Variants in ARFGEF1 observed in about 807,000 individuals in gnomAD.
ARFGEF1 encodes the protein brefeldin A-inhibited guanine nucleotide-exchange protein 1.
Under a neutral mutation model 231.0 loss-of-function variants are expected in ARFGEF1, and 42 were observed. That is an observed-to-expected ratio of 0.18 (90% CI 0.14 to 0.24). ARFGEF1 has a LOEUF of 0.24. Among genes scored for constraint, ARFGEF1 ranks in the 10% least tolerant of loss-of-function variants. ARFGEF1 has a pLI of 1.00. For missense variants in ARFGEF1, 1,345 were observed against 2,192.0 expected (o/e 0.61, Z 7.72); for synonymous variants, 710 against 732.3 (o/e 0.97, Z 0.49).
At position 67,320,109 on chromosome 8, in the gene ARFGEF1, G is replaced by C. The variant is rs180932900; in HGVS notation, c.125-17643C>G. Among the ~76,000 whole-genome samples the C allele has an allele frequency of 8.5e-3, 1,284 of 151,354 alleles. 7 individuals are homozygous for C. Among genetic ancestry groups the C allele is most frequent in the Admixed American group, 0.014 (213 of 15,118 alleles). ...GGTGTGGCCGGTGCCTATAATCCCA[G>C]CTACTTGGGAGGCTGAGGCAAGAGA... On this transcript the variant is annotated intron_variant, in intron 1 of 38. Transcript: ENST00000262215.
At chr8:67,258,031 A>T in intron 16 of ARFGEF1, 54 bp downstream of exon 16, 1 of 1,483,300 alleles carries the variant, frequency 6.7e-7, no homozygotes, top group Non-Finnish European at 9.4e-7. Context: ...GATGCTACCT[A>T]GCACAGTGGT....
At chr8:67,308,672 C>T (rs983304484) in intron 1 of ARFGEF1, among the ~76,000 whole-genome samples, 1 of 152,106 alleles carries the variant, frequency 6.6e-6, no homozygotes, top group Admixed American at 6.5e-5. Flanking sequence ...GAAACAAGGA[C>T]CTATTTTTAT....
chr8:67,299,435 C>T, intron 3 of ARFGEF1, 80 bp from the exon 4 acceptor site: 15 of 1,312,334 alleles, frequency 1.1e-5, no homozygotes, highest in East Asian at 2.6e-5. Context: ...ATTAAAATTA[C>T]AGTATACAAT....
At chr8:67,339,298 CCTT>C (rs1563924150) in intron 1 of ARFGEF1, among the ~76,000 whole-genome samples, 1 of 152,120 alleles carries the variant, frequency 6.6e-6, no homozygotes, top group Admixed American at 6.5e-5. Flanking sequence ...CCCTTTAAAA[CCTT>C]CTTCTGGTCA....
At chr8:67,294,133 T>C (rs1806128422) in intron 5 of ARFGEF1, among the ~76,000 whole-genome samples, 1 of 152,086 alleles carries the variant, frequency 6.6e-6, no homozygotes, top group African/African-American at 2.4e-5. Flanking sequence ...AAGTATTAGG[T>C]ATTATAAGTA....
intron 14 of ARFGEF1, among the ~76,000 whole-genome samples, chr8:67,264,733 T>TA (rs1188639710): frequency 1.3e-5 from 2 of 152,182 alleles, no homozygotes; most frequent in African/African-American, 4.8e-5. Flanking sequence ...AAAGCAAGTC[T>TA]AGCTGCTGAG....
chr8:67,322,846 T>A (rs1807659087), intron 1 of ARFGEF1, among the ~76,000 whole-genome samples: 1 of 152,250 alleles, frequency 6.6e-6, no homozygotes, highest in African/African-American at 2.4e-5. Flanking sequence ...TTATTTTATG[T>A]ATTTATCTCC....
chr8:67,229,244 G>C (rs1206871029), intron 23 of ARFGEF1, among the ~76,000 whole-genome samples: 1 of 152,076 alleles, frequency 6.6e-6, no homozygotes, highest in Non-Finnish European at 1.5e-5. Context: ...ACTAGTAAGT[G>C]CTAGAGCCAA....
At chr8:67,276,666 C>T (rs1805326330) in intron 8 of ARFGEF1, among the ~76,000 whole-genome samples, 1 of 152,126 alleles carries the variant, frequency 6.6e-6, no homozygotes, top group African/African-American at 2.4e-5. Context: ...GTACTGATTT[C>T]TTTGCAGCCC....
At chr8:67,304,228 A>T (rs1474782570) in intron 1 of ARFGEF1, among the ~76,000 whole-genome samples, 1 of 152,222 alleles carries the variant, frequency 6.6e-6, no homozygotes, top group Non-Finnish European at 1.5e-5. Flanking sequence ...CTTGCTATAC[A>T]ATTTCTACAA....
chr8:67,222,227 ATATGTATGTATGTATGTATGTATG>A (rs35826179), intron 29 of ARFGEF1, among the ~76,000 whole-genome samples: 1 of 115,156 alleles, frequency 8.7e-6, no homozygotes, highest in Non-Finnish European at 1.7e-5. Context: ...ATATATATGT[ATATGTATGTATGTATGTATGTATG>A]TATGTATGTA....
At chr8:67,329,460 C>T (rs1400449787) in intron 1 of ARFGEF1, among the ~76,000 whole-genome samples, 4 of 151,320 alleles carry the variant, frequency 2.6e-5, no homozygotes, top group African/African-American at 4.9e-5. Context: ...ACCCAGGAGG[C>T]GGAGCTTGCA....
intron 19 of ARFGEF1, among the ~76,000 whole-genome samples, chr8:67,245,070 A>C (rs1445628756): frequency 2.0e-5 from 3 of 150,744 alleles, no homozygotes; most frequent in African/African-American, 7.4e-5. Flanking sequence ...CAGTGGTATG[A>C]CATATTTAAA....
chr8:67,222,190 T>TATATATATACACAC lies in ARFGEF1; in HGVS notation c.4209-2631_4209-2630insGTGTGTATATATAT, dbSNP rs1554636816. Among the ~76,000 whole-genome samples the TATATATATACACAC allele has an allele frequency of 2.3e-3, 313 of 134,880 alleles. 4 individuals are homozygous for TATATATATACACAC. The highest frequency in any genetic ancestry group is 4.8e-3 in the South Asian group (21 of 4,362). The allele number at this position is 134,880 out of a possible 152,430, so 88.5% of individuals were successfully genotyped here. ...ATATATATATATATACACATATATATATATATATATATATACACACACATA... is the reference window on the plus strand; with the variant it reads ...ATATATATATATATACACATATATATATATATATACACACATATATATATATATACACACACATA... On this transcript the variant is annotated intron_variant, in intron 29 of 38. Coordinates refer to ENST00000262215, the MANE Select transcript of ARFGEF1 (RefSeq NM_006421.5).
At chr8:67,209,881 G>A (rs1046409045) in intron 34 of ARFGEF1, among the ~76,000 whole-genome samples, 5 of 151,704 alleles carry the variant, frequency 3.3e-5, no homozygotes, top group Admixed American at 6.6e-5. Flanking sequence ...TGCCGGGCAC[G>A]GTGGCTCATG....
Position 67,219,446 on chromosome 8 carries a change from T to G in ARFGEF1, c.4323A>C (p.Pro1441=), listed in dbSNP as rs754169368. ...ATCCTCTTACCTCTGTCTGTTGTTC[T>G]GGCAATTTCATATTGTCAAAGATTC... ...VFRIFDNMKL[P]EQQTEKAEWM... is the part of the protein sequence containing the mutation. The change falls in exon 30 of 39, where the codon CCA becomes CCC. Residue 1441 remains proline (P), a synonymous_variant. Transcript: ENST00000262215. 2 of 1,610,860 alleles carry G rather than the reference T, an allele frequency of 1.2e-6. No homozygotes were observed. Among genetic ancestry groups the G allele is most frequent in the East Asian group, 4.5e-5 (2 of 44,724 alleles).
intron 1 of ARFGEF1, among the ~76,000 whole-genome samples, chr8:67,338,990 G>T (rs1271099938): frequency 6.6e-6 from 1 of 152,122 alleles, no homozygotes; most frequent in South Asian, 2.1e-4. Context: ...CCCCTCCACT[G>T]ACGTATCTTT....
At chr8:67,302,227 A>G (rs1342814134) in intron 2 of ARFGEF1, among the ~76,000 whole-genome samples, 1 of 152,022 alleles carries the variant, frequency 6.6e-6, no homozygotes, top group Non-Finnish European at 1.5e-5. Context: ...CATTTTTATA[A>G]ATATATATAA....
chr8:67,185,339 A>C (rs1054168122), intron 5 of ARFGEF1, among the ~76,000 whole-genome samples: 1 of 152,204 alleles, frequency 6.6e-6, no homozygotes, highest in African/African-American at 2.4e-5. Flanking sequence ...TTATCACTTT[A>C]AGATGGATAA....
Sources: allele counts gnomAD v4.1 joint callset (sites outside exome capture counted in the v4.1 genomes callset), GRCh38; gene constraint gnomAD v4.1.1; transcripts MANE v1.5; gene names NCBI Gene and HGNC (gene_info 2026-07-23, HGNC 2026-07-21).